Variants in DCC observed in about 807,000 individuals in gnomAD.
DCC encodes DCC netrin 1 receptor.
In DCC, 58 loss-of-function variants were observed where a neutral mutation model predicts 172.5. The ratio of observed to expected loss-of-function variants is 0.34; its 90% confidence interval spans 0.27 to 0.42. The LOEUF (loss-of-function observed/expected upper bound fraction) is 0.42. Ranked by LOEUF, DCC falls within the 10% of genes least tolerant of loss-of-function variation. The probability of loss-of-function intolerance (pLI) is 1.00; values close to 1 mark genes in which losing one functional copy is unlikely to be tolerated. For synonymous variants in DCC, 709 were observed against 644.5 expected (o/e 1.10, Z -1.52); for missense variants, 1,740 against 1,791.0 (o/e 0.97, Z 0.51).
At chr18:52,602,108 A>G (rs1397647927) in intron 1 of DCC, among the ~76,000 whole-genome samples, 3 of 152,112 alleles carry the variant, frequency 2.0e-5, no homozygotes, top group African/African-American at 7.2e-5. Context: ...TTCATTCTTC[A>G]AATGAAAATA....
chr18:52,531,870 G>A (rs1187650373), intron 1 of DCC, among the ~76,000 whole-genome samples: 5 of 152,106 alleles, frequency 3.3e-5, no homozygotes, highest in African/African-American at 1.2e-4. Context: ...TATTTTCTAC[G>A]TTCAAGCATA....
chr18:52,356,302 T>C (rs1007826996), intron 1 of DCC, among the ~76,000 whole-genome samples: 3 of 152,196 alleles, frequency 2.0e-5, no homozygotes, highest in African/African-American at 7.2e-5. Flanking sequence ...CCTGCACTAC[T>C]GGAATAAGTC....
intron 1 of DCC, among the ~76,000 whole-genome samples, chr18:52,413,498 G>C (rs1254614687): frequency 1.3e-5 from 2 of 151,738 alleles, no homozygotes; most frequent in African/African-American, 4.8e-5. Context: ...AATATGTAGA[G>C]ATAAATATTT....
intron 9 of DCC, among the ~76,000 whole-genome samples, chr18:53,194,298 G>A (rs2055410947): frequency 6.6e-6 from 1 of 152,072 alleles, no homozygotes; most frequent in Admixed American, 6.6e-5. Context: ...ATGGTTTGTA[G>A]AGTATGGAGA....
At chr18:53,455,609 T>A (rs2045473504) in intron 23 of DCC, among the ~76,000 whole-genome samples, 1 of 152,252 alleles carries the variant, frequency 6.6e-6, no homozygotes, top group Non-Finnish European at 1.5e-5. Flanking sequence ...GTAATTATTG[T>A]GTGCTTTATA....
chr18:52,762,488 A>G (rs1159789346), intron 2 of DCC, among the ~76,000 whole-genome samples: 1 of 151,474 alleles, frequency 6.6e-6, no homozygotes, highest in Non-Finnish European at 1.5e-5. Context: ...AAAAAAAACA[A>G]ACATTTTTTA....
chr18:52,849,245 C>G (rs1004377085), intron 2 of DCC, among the ~76,000 whole-genome samples: 21 of 152,158 alleles, frequency 1.4e-4, no homozygotes, highest in African/African-American at 4.8e-4. Flanking sequence ...AGTATCCTTT[C>G]TACTGGACTG....
chr18:53,235,448 ATTTC>A (rs1216545220), intron 12 of DCC, among the ~76,000 whole-genome samples: 3 of 152,058 alleles, frequency 2.0e-5, no homozygotes, highest in Admixed American at 1.3e-4. Context: ...ATAAGTCACT[ATTTC>A]TTTCTGCAGA....
intron 1 of DCC, among the ~76,000 whole-genome samples, chr18:52,406,602 C>A (rs975941230): frequency 6.6e-6 from 1 of 152,044 alleles, no homozygotes; most frequent in Non-Finnish European, 1.5e-5. Flanking sequence ...AATCTCTGTG[C>A]CCTTCTGATT....
intron 7 of DCC, among the ~76,000 whole-genome samples, chr18:53,145,923 G>T (rs2043905758): frequency 1.3e-5 from 2 of 152,108 alleles, no homozygotes; most frequent in Admixed American, 1.3e-4. Context: ...ATAGTCCTTT[G>T]TACTTTTATA....
Position 53,305,736 on chromosome 18 carries a change from T to C in DCC, c.2053+17T>C. 1 of 1,612,826 alleles carries C rather than the reference T, an allele frequency of 6.2e-7. No individual in the cohort carries two copies. Among genetic ancestry groups the C allele is most frequent in the East Asian group, 2.2e-5 (1 of 44,856 alleles). On this transcript the variant is annotated intron_variant, in intron 13 of 28. Coordinates refer to ENST00000442544, the MANE Select transcript of DCC (RefSeq NM_005215.4). Reference sequence around the variant, plus strand: ...TATTCACAGGTCAGTGTTCACATGGTGTAGTCTTGCAAGGTTTTGATGAAT... The same window carrying C: ...TATTCACAGGTCAGTGTTCACATGGCGTAGTCTTGCAAGGTTTTGATGAAT...
At chr18:52,781,154 T>G (rs1485099024) in intron 2 of DCC, among the ~76,000 whole-genome samples, 1 of 152,066 alleles carries the variant, frequency 6.6e-6, no homozygotes, top group Admixed American at 6.6e-5. Flanking sequence ...GATAATAGGT[T>G]GAGAAAGGAA....
intron 8 of DCC, among the ~76,000 whole-genome samples, chr18:53,171,035 C>A (rs896059167): frequency 6.6e-6 from 1 of 152,076 alleles, no homozygotes; most frequent in African/African-American, 2.4e-5. Context: ...CAGGCTCATG[C>A]CACCATGCCC....
intron 27 of DCC, among the ~76,000 whole-genome samples, chr18:53,516,697 A>G (rs948053673): frequency 6.6e-6 from 1 of 150,468 alleles, no homozygotes; most frequent in Non-Finnish European, 1.5e-5. Flanking sequence ...ACATGAAAAA[A>G]TGCTTATCAT....
chr18:52,988,936 A>T (rs1178625788), intron 5 of DCC, among the ~76,000 whole-genome samples: 1 of 151,432 alleles, frequency 6.6e-6, no homozygotes, highest in African/African-American at 2.5e-5. Flanking sequence ...TGAAAAATCC[A>T]AGCGATATCC....
chr18:52,846,164 A>G (rs1464310859), intron 2 of DCC, among the ~76,000 whole-genome samples: 1 of 152,214 alleles, frequency 6.6e-6, no homozygotes, highest in Non-Finnish European at 1.5e-5. Flanking sequence ...GCATGGACCA[A>G]AGAAAAGTAC....
chr18:52,999,259 A>G (rs1300598594), intron 5 of DCC, among the ~76,000 whole-genome samples: 1 of 152,096 alleles, frequency 6.6e-6, no homozygotes, highest in Admixed American at 6.6e-5. Context: ...ACTGTAAAAC[A>G]GCACAAGCTC....
chr18:53,328,749 G>A (rs1247191516), intron 14 of DCC, among the ~76,000 whole-genome samples: 1 of 152,116 alleles, frequency 6.6e-6, no homozygotes, highest in African/African-American at 2.4e-5. Context: ...GGGCCAGGCT[G>A]GTCTTGAACT....
chr18:52,946,426 A>G (rs538144588), intron 5 of DCC, among the ~76,000 whole-genome samples: 32 of 152,302 alleles, frequency 2.1e-4, no homozygotes, highest in Admixed American at 2.1e-3. Context: ...CCGCAATAAT[A>G]CTGTCTAACA....
Sources: allele counts gnomAD v4.1 joint callset (sites outside exome capture counted in the v4.1 genomes callset), GRCh38; gene constraint gnomAD v4.1.1; transcripts MANE v1.5; gene names NCBI Gene and HGNC (gene_info 2026-07-23, HGNC 2026-07-21).